The following CNTNAP3B variants were observed in gnomAD, a reference collection of about 807,000 sequenced individuals.
The protein encoded by CNTNAP3B is contactin-associated protein-like 3B.
Under a neutral mutation model 108.9 loss-of-function variants are expected in CNTNAP3B, and 25 were observed. That is an observed-to-expected ratio of 0.23 (90% CI 0.17 to 0.32). The LOEUF (loss-of-function observed/expected upper bound fraction) is 0.32. Ranked by LOEUF, CNTNAP3B falls within the 10% of genes least tolerant of loss-of-function variation. The pLI, the probability that CNTNAP3B is intolerant of heterozygous loss-of-function variation, is 1.00. For synonymous variants in CNTNAP3B, 103 were observed against 473.4 expected (o/e 0.22, Z 10.16); for missense variants, 252 against 1,210.4 (o/e 0.21, Z 11.75).
chr9:41,953,308 A>G lies in CNTNAP3B; in HGVS notation c.1955T>C (p.Leu652Pro). ...TLRGAPSGHP[L>P]SAVSFAYAAG... Reference sequence around the variant, plus strand: ...TGCGTACGCGAAGGACACAGCCGAGAGCGGGTGCCCGCTGGGGGCACCTCG... The same window carrying G: ...TGCGTACGCGAAGGACACAGCCGAGGGCGGGTGCCCGCTGGGGGCACCTCG... The change falls in exon 13 of 24, where the codon CTC (leucine) becomes CCC (proline). Residue 652 changes from leucine to proline, a missense_variant. Physicochemically the swap from Leu to Pro is moderately conservative, Grantham distance 98. Coordinates refer to ENST00000377561, the MANE Select transcript of CNTNAP3B (RefSeq NM_001201380.3). 6.6e-7 allele frequency: 1 copy of G among 1,521,238 alleles called. No homozygotes were observed. Among genetic ancestry groups the G allele is most frequent in the South Asian group, 1.2e-5 (1 of 82,018 alleles). 94.2% of individuals were successfully genotyped at this position (1,521,238 alleles called of 1,614,324 possible). A position where few individuals can be genotyped will look rare whatever the true frequency, so the allele number is the denominator to read the frequency against.
At chr9:42,034,186 G>GTATCTATCTATCTATCTCTATC (rs1826579998) in intron 3 of CNTNAP3B, among the ~76,000 whole-genome samples, 1 of 124,270 alleles carries the variant, frequency 8.0e-6, no homozygotes, top group Non-Finnish European at 1.7e-5. Context: ...ATGTATATAT[G>GTATCTATCTATCTATCTCTATC]TATCTATCTA....
In CNTNAP3B at chr9:42,111,436, A is replaced by G. The variant is rs1289092209; in HGVS notation, c.86-6697T>C. Among the ~76,000 whole-genome samples the G allele has an allele frequency of 1.4e-5, 2 of 138,970 alleles. 1 individual carries two copies. The highest frequency in any genetic ancestry group is 5.7e-5 in the African/African-American group (2 of 34,916). 91.2% of individuals were successfully genotyped at this position (138,970 alleles called of 152,430 possible). A position where few individuals can be genotyped will look rare whatever the true frequency, so the allele number is the denominator to read the frequency against. ...ATCTGTAGAACTCAACATTGCTAAG[A>G]ACAGAAATAAAGGAAAATAGTCACG... On this transcript the variant is annotated intron_variant, in intron 1 of 23. Coordinates refer to ENST00000377561, the MANE Select transcript of CNTNAP3B (RefSeq NM_001201380.3).
chr9:42,124,373 C>T (rs1828523024), intron 1 of CNTNAP3B, among the ~76,000 whole-genome samples: 1 of 136,858 alleles, frequency 7.3e-6, no homozygotes, highest in Admixed American at 7.3e-5. Context: ...CCTGTTAAGG[C>T]TATCATAGTA....
In CNTNAP3B at chr9:42,117,777, T is replaced by C; in HGVS notation, c.85+11233A>G. Among the ~76,000 whole-genome samples, 2 of 137,034 alleles carry C rather than the reference T, an allele frequency of 1.5e-5. 1 individual carries two copies. Among genetic ancestry groups the C allele is most frequent in the South Asian group, 4.7e-4 (2 of 4,238 alleles). The allele number at this position is 137,034 out of a possible 152,430, so 89.9% of individuals were successfully genotyped here. On this transcript the variant is annotated intron_variant, in intron 1 of 23. Coordinates refer to ENST00000377561, the MANE Select transcript of CNTNAP3B (RefSeq NM_001201380.3). ...AAGATCAACAAAATTGATAGACCAC[T>C]AGCAAGACTAATAAAGAAGAAAAGA...
chr9:42,028,927 AT>A (rs1211189397), intron 3 of CNTNAP3B, among the ~76,000 whole-genome samples: 5 of 152,010 alleles, frequency 3.3e-5, no homozygotes, highest in East Asian at 1.9e-4. Flanking sequence ...ATAAATTAAA[AT>A]TTTTTTGGCA....
chr9:41,934,148 CATAT>C (rs1258672602), intron 14 of CNTNAP3B, among the ~76,000 whole-genome samples: 20 of 84,106 alleles, frequency 2.4e-4, no homozygotes, highest in Non-Finnish European at 3.9e-4. Flanking sequence ...TATACACACA[CATAT>C]ATATACACAC....
intron 14 of CNTNAP3B, among the ~76,000 whole-genome samples, chr9:41,934,737 A>C (rs1319490250): frequency 6.6e-6 from 1 of 152,278 alleles, no homozygotes; most frequent in Admixed American, 6.5e-5. Flanking sequence ...GAGTGCTTAT[A>C]TTTTATCTTT....
At chr9:41,924,661 A>AGTG (rs1823761683) in intron 15 of CNTNAP3B, among the ~76,000 whole-genome samples, 1 of 147,838 alleles carries the variant, frequency 6.8e-6, no homozygotes, top group East Asian at 2.0e-4. Flanking sequence ...ACACACACAC[A>AGTG]CACACACACA....
rs541873438 is a variant in CNTNAP3B, at chr9:41,966,744, G to A, written c.1650-2100C>T. ...GAACTTTGGGAGGCTGACGCGGGTG[G>A]ATCACGAGGTCAGGAGATCGAGACC... is the stretch of plus-strand genomic sequence containing the variant. On this transcript the variant is annotated intron_variant, in intron 10 of 23. Coordinates refer to ENST00000377561, the MANE Select transcript of CNTNAP3B (RefSeq NM_001201380.3). Among the ~76,000 whole-genome samples, 3 of 152,300 alleles carry A rather than the reference G, an allele frequency of 2.0e-5. No individual in the cohort carries two copies. The East Asian group carries it at 5.8e-4, about 29-fold the overall frequency.
At chr9:41,938,055 A>G (rs1262614545) in intron 14 of CNTNAP3B, 189 bp downstream of exon 14, 1 of 863,120 alleles carries the variant, frequency 1.2e-6, no homozygotes, top group African/African-American at 1.7e-5. Context: ...ATGAATTAGT[A>G]AATCTTTGGT....
chr9:42,097,123 T>A (rs1827917370), intron 2 of CNTNAP3B, among the ~76,000 whole-genome samples: 1 of 139,996 alleles, frequency 7.1e-6, no homozygotes, highest in East Asian at 2.2e-4. Flanking sequence ...TCTGCTTCTC[T>A]TTCACTCATA....
chr9:41,917,128 C>T (rs1823537543), intron 18 of CNTNAP3B, among the ~76,000 whole-genome samples: 1 of 152,218 alleles, frequency 6.6e-6, no homozygotes, highest in South Asian at 2.1e-4. Flanking sequence ...TTTTTCTGAT[C>T]CTTTCTCTCT....
Position 42,058,417 on chromosome 9 carries a change from C to T in CNTNAP3B, c.390+18452G>A, listed in dbSNP as rs1429511425. Among the ~76,000 whole-genome samples, 13 of 144,098 alleles carry T rather than the reference C, an allele frequency of 9.0e-5. No individual in the cohort carries two copies. In the East Asian group the frequency reaches 1.3e-3, roughly 15 times the overall value. The allele number at this position is 144,098 out of a possible 152,430, so 94.5% of individuals were successfully genotyped here. Reference sequence around the variant, plus strand: ...TTGATAATAACCATTCTAACAAGTACGAGGTGATATCTCATTGTGGTTCTA... The same window carrying T: ...TTGATAATAACCATTCTAACAAGTATGAGGTGATATCTCATTGTGGTTCTA... On this transcript the variant is annotated intron_variant, in intron 3 of 23. Coordinates refer to ENST00000377561, the MANE Select transcript of CNTNAP3B (RefSeq NM_001201380.3).
At chr9:42,110,426 C>A (rs1479802521) in intron 1 of CNTNAP3B, among the ~76,000 whole-genome samples, 1 of 135,404 alleles carries the variant, frequency 7.4e-6, no homozygotes, top group Non-Finnish European at 1.6e-5. Flanking sequence ...GAGGGGACGG[C>A]ACCTTAACCA....
intron 3 of CNTNAP3B, among the ~76,000 whole-genome samples, chr9:42,035,589 G>A (rs1826607792): frequency 6.7e-6 from 1 of 148,330 alleles, no homozygotes; most frequent in African/African-American, 2.5e-5. Flanking sequence ...TCAGAGTGAT[G>A]GTGTGAGGAA....
At chr9:41,945,609 C>T (rs1229985247) in intron 13 of CNTNAP3B, among the ~76,000 whole-genome samples, 2 of 152,354 alleles carry the variant, frequency 1.3e-5, no homozygotes, top group East Asian at 1.9e-4. Flanking sequence ...CACACCGGGG[C>T]CTGTCATGGG....
At chr9:42,044,604 C>A (rs78265494) in intron 3 of CNTNAP3B, among the ~76,000 whole-genome samples, 72 of 126,290 alleles carry the variant, frequency 5.7e-4, no homozygotes, top group South Asian at 1.8e-3. Flanking sequence ...AGAGTTTACA[C>A]GACTCCTGAG....
At position 42,076,517 on chromosome 9, in the gene CNTNAP3B, C is replaced by T. The variant is rs1328028073; in HGVS notation, c.390+352G>A. On this transcript the variant is annotated intron_variant, in intron 3 of 23. Coordinates refer to ENST00000377561, the MANE Select transcript of CNTNAP3B (RefSeq NM_001201380.3). ...CAAGTTCAAAGTCTGTGTTCCTGTA[C>T]TTGTCATACACACAGAAACTGCTCA... is the stretch of plus-strand genomic sequence containing the variant. 2.5e-5 allele frequency among the ~76,000 whole-genome samples: 3 copies of T among 119,496 alleles called. No individual in the cohort carries two copies. In the East Asian group the frequency reaches 7.8e-4, roughly 31 times the overall value. 78.4% of individuals were successfully genotyped at this position (119,496 alleles called of 152,430 possible). A position where few individuals can be genotyped will look rare whatever the true frequency, so the allele number is the denominator to read the frequency against.
Position 41,925,579 on chromosome 9 carries a change from C to T in CNTNAP3B, c.2366-1486G>A, listed in dbSNP as rs572163213. On this transcript the variant is annotated intron_variant, in intron 15 of 23. Coordinates refer to ENST00000377561, the MANE Select transcript of CNTNAP3B (RefSeq NM_001201380.3). ...CTGCACTCCAGCCTGCGCAACAGAG[C>T]GAGACTCCATCTCAAAAACAAACAA... 6.7e-3 allele frequency among the ~76,000 whole-genome samples: 1,011 copies of T among 150,998 alleles called. 8 individuals carry two copies. The highest frequency in any genetic ancestry group is 0.024 in the African/African-American group (967 of 40,718).
Sources: gnomAD v4.1 joint callset for allele counts (sites outside exome capture counted in the v4.1 genomes callset) on GRCh38, gnomAD v4.1.1 for gene constraint, MANE v1.5 for transcripts, NCBI Gene and HGNC (gene_info 2026-07-23, HGNC 2026-07-21) for gene names.